Variants in NEXN observed in about 807,000 individuals in gnomAD.
NEXN encodes nexilin.
A neutral mutation model predicts 92.6 loss-of-function variants in NEXN; 65 were observed. The ratio of observed to expected loss-of-function variants is 0.70; its 90% CI spans 0.57 to 0.86. The LOEUF (loss-of-function observed/expected upper bound fraction) is 0.86. Ranked by LOEUF, NEXN falls within the 40% of genes least tolerant of loss-of-function variation. NEXN has a pLI of 0.00. For missense variants in NEXN, 778 were observed against 771.1 expected (o/e 1.01, Z -0.11); for synonymous variants, 254 against 242.5 (o/e 1.05, Z -0.44).
intron 1 of NEXN, chr1:77,889,447 G>A (rs1472961555): frequency 6.6e-6 from 1 of 150,494 alleles, no homozygotes; most frequent in Non-Finnish European, 1.5e-5. Flanking sequence ...CGTAGTTTAA[G>A]TGAGTGAAGA....
chr1:77,922,476 A>C (rs548989049), intron 5 of NEXN, among the ~76,000 whole-genome samples: 1 of 152,198 alleles, frequency 6.6e-6, no homozygotes, highest in Non-Finnish European at 1.5e-5. Flanking sequence ...TCCATTAAAG[A>C]TTTTTAGTAT....
At position 77,892,868 on chromosome 1, in the gene NEXN, CT is replaced by C. The variant is rs201767250; in HGVS notation, c.-53+4125del. Among the ~76,000 whole-genome samples, 581 of 140,124 alleles carry C rather than the reference CT, an allele frequency of 4.1e-3. 1 individual carries two copies. The highest frequency in any genetic ancestry group is 9.3e-3 in the East Asian group (45 of 4,822). 91.9% of individuals were successfully genotyped at this position (140,124 alleles called of 152,430 possible). ...TATTTCCTAGGATCTTGTAAATAAT[CT>C]TTTTTTTTTTTTTTTGAGACGGAGT... On this transcript the variant is annotated intron_variant, in intron 1 of 12. Coordinates refer to ENST00000334785, the MANE Select transcript of NEXN (RefSeq NM_144573.4).
rs563051166 is a variant in NEXN, at chr1:77,940,816, T to C, written c.1474-1207T>C. ...TTATGTATAATAATTTTTTAAAAAA[T>C]GCTGTTCATTCATTCATTAGCAACA... is the stretch of plus-strand genomic sequence containing the variant. On this transcript the variant is annotated intron_variant, in intron 11 of 12. Coordinates refer to ENST00000334785, the MANE Select transcript of NEXN (RefSeq NM_144573.4). Among the ~76,000 whole-genome samples, 41 of 152,116 alleles carry C rather than the reference T, an allele frequency of 2.7e-4. No homozygotes were observed. The South Asian group carries it at 7.9e-3, about 29-fold the overall frequency.
At chr1:77,902,820 T>C (rs1647826629) in intron 1 of NEXN, among the ~76,000 whole-genome samples, 1 of 152,122 alleles carries the variant, frequency 6.6e-6, no homozygotes, top group African/African-American at 2.4e-5. Context: ...TATTTAGAGG[T>C]CTCAGAGACT....
intron 1 of NEXN, among the ~76,000 whole-genome samples, chr1:77,906,382 C>T (rs1210541758): frequency 6.6e-6 from 1 of 152,122 alleles, no homozygotes; most frequent in Non-Finnish European, 1.5e-5. Flanking sequence ...TTTTCTGGCT[C>T]TAACTCCAGT....
At chr1:77,935,558 G>GC (rs1650681907) in intron 10 of NEXN, among the ~76,000 whole-genome samples, 1 of 152,230 alleles carries the variant, frequency 6.6e-6, no homozygotes, top group East Asian at 1.9e-4. Flanking sequence ...TTTGGACCCT[G>GC]CATTTAGAGA....
At chr1:77,937,753 T>C (rs1047993748) in intron 11 of NEXN, among the ~76,000 whole-genome samples, 1 of 152,180 alleles carries the variant, frequency 6.6e-6, no homozygotes, top group Non-Finnish European at 1.5e-5. Context: ...AGGGACTGCT[T>C]TGGACACAAG....
rs757028785 is a variant in NEXN at position 77,936,059 on chromosome 1, T to C, written c.1473+15T>C. The C allele has an allele frequency of 3.3e-6, 5 of 1,530,242 alleles. No homozygotes were observed. The highest frequency in any genetic ancestry group is 2.3e-5 in the South Asian group (2 of 88,392). The allele number at this position is 1,530,242 out of a possible 1,614,324, so 94.8% of individuals were successfully genotyped here. On this transcript the variant is annotated intron_variant, in intron 11 of 12. Transcript: ENST00000334785. ...ATTTTCATGAGGTATATTACCTTTA[T>C]ATTTAACATAGTTATGGTACAGTAA...
Position 77,943,180 on chromosome 1 carries a change from T to C in NEXN, c.*351T>C, listed in dbSNP as rs746839024. The C allele has an allele frequency of 1.7e-5, 5 of 301,910 alleles. No individual in the cohort carries two copies. The highest frequency in any genetic ancestry group is 6.5e-6 in the Non-Finnish European group (1 of 154,520). 18.7% of individuals were successfully genotyped at this position (301,910 alleles called of 1,614,324 possible). On this transcript the variant is annotated 3_prime_UTR_variant, in exon 13 of 13. Coordinates refer to ENST00000334785, the MANE Select transcript of NEXN (RefSeq NM_144573.4). ...TACTCAATTATTCTATCAGAACCTA[T>C]TATAAAGACTGTATTTCCCATAGAC... is the stretch of plus-strand genomic sequence containing the variant.
At chr1:77,891,014 G>A (rs892079776) in intron 1 of NEXN, among the ~76,000 whole-genome samples, 1 of 152,064 alleles carries the variant, frequency 6.6e-6, no homozygotes, top group African/African-American at 2.4e-5. Context: ...CATATCACCT[G>A]TGTAGTTTCT....
chr1:77,916,139 T>C lies in NEXN; in HGVS notation c.27+6T>C, dbSNP rs947308139. 1 of 1,600,262 alleles carries C rather than the reference T, an allele frequency of 6.2e-7. No individual in the cohort carries two copies. The highest frequency in any genetic ancestry group is 8.5e-7 in the Non-Finnish European group (1 of 1,171,220). On this transcript the variant is annotated splice_donor_region_variant and intron_variant, in intron 2 of 12. Coordinates refer to ENST00000334785, the MANE Select transcript of NEXN (RefSeq NM_144573.4). ...ATATTTCCCAAAAGGCTGAGGTAAGTCTCAAAAGTAAAAATAAAAATAAAA... is the reference window on the plus strand; with the variant it reads ...ATATTTCCCAAAAGGCTGAGGTAAGCCTCAAAAGTAAAAATAAAAATAAAA...
chr1:77,897,959 T>G (rs1647367624), intron 1 of NEXN, among the ~76,000 whole-genome samples: 1 of 152,078 alleles, frequency 6.6e-6, no homozygotes, highest in Non-Finnish European at 1.5e-5. Flanking sequence ...ACAAGGGAAG[T>G]GAAGGACCTC....
At chr1:77,928,567 TTAA>T (rs902609339) in intron 8 of NEXN, among the ~76,000 whole-genome samples, 5 of 151,904 alleles carry the variant, frequency 3.3e-5, no homozygotes, top group African/African-American at 7.2e-5. Context: ...TATAGTAAAT[TTAA>T]TAATAAACCT....
At position 77,933,294 on chromosome 1, in the gene NEXN, G is replaced by C. The variant is rs1257882038; in HGVS notation, c.1066G>C (p.Asp356His). 3.1e-6 allele frequency: 5 copies of C among 1,591,180 alleles called. No individual in the cohort carries two copies. The highest frequency in any genetic ancestry group is 3.4e-6 in the Non-Finnish European group (4 of 1,161,294). Residue 356 changes from aspartate to histidine, a missense_variant, in exon 10 of 13, where the codon GAC becomes CAC. Asp to His is a moderately conservative substitution (Grantham distance 81). This residue lies in a region of NEXN where 532 missense variants were observed against 476.7 expected (regional missense o/e 1.12). Transcript: ENST00000334785. ...EARRNMVVDD[D>H]SPEMYKTISQ... is the part of the protein sequence containing the mutation. Reference sequence around the variant, plus strand: ...TTATTTTAAATAGGTAGTAGATGATGACTCCCCAGAGATGTATAAGACAAT... The same window carrying C: ...TTATTTTAAATAGGTAGTAGATGATCACTCCCCAGAGATGTATAAGACAAT...
rs144926099 is a variant in NEXN, at chr1:77,911,570, C to T, written c.-52-4485C>T. 8.8e-3 allele frequency among the ~76,000 whole-genome samples: 1,329 copies of T among 151,608 alleles called. 13 individuals are homozygous for T. Among genetic ancestry groups the T allele is most frequent in the African/African-American group, 0.03 (1,243 of 41,330 alleles). On this transcript the variant is annotated intron_variant, in intron 1 of 12. Transcript: ENST00000334785. ...TTGCACCATTGCACTCCAGCCTGGG[C>T]GACAAGAGCAAGACTCCATCTCAAA...
At chr1:77,939,154 G>C (rs1028765903) in intron 11 of NEXN, among the ~76,000 whole-genome samples, 3 of 152,152 alleles carry the variant, frequency 2.0e-5, no homozygotes, top group Non-Finnish European at 2.9e-5. Context: ...AACAAAAAAG[G>C]GTTATAGGTT....
At chr1:77,909,560 C>G (rs1455459513) in intron 1 of NEXN, among the ~76,000 whole-genome samples, 1 of 152,010 alleles carries the variant, frequency 6.6e-6, no homozygotes, top group Non-Finnish European at 1.5e-5. Context: ...ACTCATAAAC[C>G]TTAGTTCATG....
chr1:77,901,739 T>G (rs1019557915), intron 1 of NEXN, among the ~76,000 whole-genome samples: 1 of 152,130 alleles, frequency 6.6e-6, no homozygotes, highest in African/African-American at 2.4e-5. Flanking sequence ...TAGCCTTTCT[T>G]TTTGTGGGGG....
rs1395927209 is a variant in NEXN, at chr1:77,934,919, C to A, written c.1252-904C>A. Among the ~76,000 whole-genome samples the A allele has an allele frequency of 3.9e-5, 6 of 152,282 alleles. No homozygotes were observed. The East Asian group carries it at 9.6e-4, about 24-fold the overall frequency. ...TAAGAGTGATGTTTACTTTGTAAGA[C>A]TACCATAAAATCAAAAGTAGGAAAA... On this transcript the variant is annotated intron_variant, in intron 10 of 12. Coordinates refer to ENST00000334785, the MANE Select transcript of NEXN (RefSeq NM_144573.4).
Sources: gnomAD v4.1 joint callset for allele counts (sites outside exome capture counted in the v4.1 genomes callset) on GRCh38, gnomAD v4.1.1 for gene constraint, gnomAD v4.1.1 regional missense constraint, MANE v1.5 for transcripts, NCBI Gene and HGNC (gene_info 2026-07-23, HGNC 2026-07-21) for gene names.